The following GAREM1 variants were observed in gnomAD, a reference collection of about 807,000 sequenced individuals.
GAREM1 encodes the protein GRB2 associated regulator of MAPK1 subtype 1.
GAREM1 carries 26 observed loss-of-function variants against 71.3 expected under a neutral mutation model. The ratio of observed to expected loss-of-function variants is 0.36; its 90% CI spans 0.27 to 0.51. GAREM1 has a LOEUF of 0.51. Among genes scored for constraint, GAREM1 ranks in the 20% least tolerant of loss-of-function variants. The probability of loss-of-function intolerance (pLI) is 0.95; values close to 1 mark genes in which losing one functional copy is unlikely to be tolerated. For missense variants in GAREM1, 1,026 were observed against 1,103.1 expected (o/e 0.93, Z 0.99); for synonymous variants, 440 against 433.2 (o/e 1.02, Z -0.20).
Position 32,314,739 on chromosome 18 carries a change from C to T in GAREM1, c.263-4416G>A, listed in dbSNP as rs186168027. ...GAGTAGCTGGGATTACAGGCATGCACCACCATGCCTGGCTAATTTTTGTAT... is the reference window on the plus strand; with the variant it reads ...GAGTAGCTGGGATTACAGGCATGCATCACCATGCCTGGCTAATTTTTGTAT... On this transcript the variant is annotated intron_variant, in intron 2 of 5. Coordinates refer to ENST00000269209, the MANE Select transcript of GAREM1 (RefSeq NM_001242409.2). Among the ~76,000 whole-genome samples the T allele has an allele frequency of 4.5e-3, 679 of 152,162 alleles. 16 individuals are homozygous for T. The highest frequency in any genetic ancestry group is 0.037 in the Admixed American group (565 of 15,284).
At chr18:32,455,377 A>G (rs759806676) in intron 1 of GAREM1, among the ~76,000 whole-genome samples, 2 of 152,174 alleles carry the variant, frequency 1.3e-5, no homozygotes, top group Non-Finnish European at 2.9e-5. Context: ...AAAGAGACAC[A>G]CATACATTGA....
At chr18:32,345,060 T>A (rs148255969) in intron 2 of GAREM1, among the ~76,000 whole-genome samples, 3 of 152,112 alleles carry the variant, frequency 2.0e-5, no homozygotes, top group Admixed American at 1.3e-4. Context: ...AGACTCAGTC[T>A]CGAAAAAAAC....
intron 1 of GAREM1, among the ~76,000 whole-genome samples, chr18:32,448,598 TTTC>T (rs147650928): frequency 0.044 from 6,723 of 151,968 alleles, 476 homozygotes; most frequent in East Asian, 0.34. Flanking sequence ...AAGGCTGGAG[TTTC>T]TTCAAGTCTC....
In GAREM1 at chr18:32,355,018, A is replaced by T. The variant is rs141958573; in HGVS notation, c.262+37877T>A. 1.2e-3 allele frequency among the ~76,000 whole-genome samples: 182 copies of T among 152,328 alleles called. 1 individual carries two copies. The highest frequency in any genetic ancestry group is 4.1e-3 in the African/African-American group (170 of 41,574). On this transcript the variant is annotated intron_variant, in intron 2 of 5. Transcript: ENST00000269209. The stretch of plus-strand genomic sequence containing the variant: ...CAGCTGTGTACCTATGCCGAAGAAA[A>T]AATTACTTTTCACAGGCATTTCTCT...
intron 2 of GAREM1, among the ~76,000 whole-genome samples, chr18:32,326,057 C>A (rs774086489): frequency 2.6e-5 from 4 of 152,088 alleles, no homozygotes; most frequent in Non-Finnish European, 5.9e-5. Context: ...TTACAGTAAC[C>A]CTGGAAAAAC....
intron 2 of GAREM1, among the ~76,000 whole-genome samples, chr18:32,341,491 C>G (rs1331019861): frequency 2.0e-5 from 3 of 152,096 alleles, no homozygotes; most frequent in Non-Finnish European, 2.9e-5. Flanking sequence ...TGGGTATATA[C>G]CCAGTAATGA....
intron 1 of GAREM1, among the ~76,000 whole-genome samples, chr18:32,441,861 C>T (rs1419802842): frequency 6.6e-6 from 1 of 152,156 alleles, no homozygotes; most frequent in Non-Finnish European, 1.5e-5. Context: ...ACTTCCTATC[C>T]CTGATGCAAC....
At chr18:32,385,705 T>C (rs944451049) in intron 2 of GAREM1, among the ~76,000 whole-genome samples, 1 of 141,832 alleles carries the variant, frequency 7.1e-6, no homozygotes, top group African/African-American at 2.6e-5. Flanking sequence ...GACTTCCAAG[T>C]AAAAGTGCCT....
intron 2 of GAREM1, among the ~76,000 whole-genome samples, chr18:32,375,054 T>C (rs1203369516): frequency 2.0e-5 from 3 of 152,218 alleles, no homozygotes; most frequent in East Asian, 1.9e-4. Context: ...CTAAAAGTAA[T>C]GCTTTGCAAT....
At chr18:32,282,591 A>G (rs1267609536) in intron 4 of GAREM1, among the ~76,000 whole-genome samples, 2 of 152,064 alleles carry the variant, frequency 1.3e-5, no homozygotes, top group African/African-American at 4.8e-5. Context: ...GCTGGAGTAT[A>G]GTGGCACGAT....
At chr18:32,370,732 G>T (rs1293428710) in intron 2 of GAREM1, among the ~76,000 whole-genome samples, 1 of 152,014 alleles carries the variant, frequency 6.6e-6, no homozygotes, top group Non-Finnish European at 1.5e-5. Flanking sequence ...TTAAGATTAT[G>T]TTCAAACTAC....
intron 4 of GAREM1, among the ~76,000 whole-genome samples, chr18:32,275,781 C>A (rs1366004252): frequency 1.3e-5 from 2 of 152,190 alleles, no homozygotes; most frequent in African/African-American, 4.8e-5. Flanking sequence ...CAGGTTCAAG[C>A]AATTCTCCTG....
intron 3 of GAREM1, among the ~76,000 whole-genome samples, chr18:32,292,702 A>G (rs980989279): frequency 3.3e-5 from 5 of 152,170 alleles, no homozygotes; most frequent in Admixed American, 6.5e-5. Flanking sequence ...GCCTTTCTCC[A>G]TGAGGGCAAG....
At chr18:32,432,676 T>C (rs2048635454) in intron 1 of GAREM1, among the ~76,000 whole-genome samples, 1 of 152,140 alleles carries the variant, frequency 6.6e-6, no homozygotes, top group Admixed American at 6.6e-5. Context: ...TCCACACGTA[T>C]AAATTTCACA....
intron 2 of GAREM1, among the ~76,000 whole-genome samples, chr18:32,345,550 C>T (rs2047687523): frequency 6.6e-6 from 1 of 152,164 alleles, no homozygotes; most frequent in Admixed American, 6.5e-5. Context: ...AAGAAGTCCT[C>T]TCTCTACAAC....
chr18:32,400,542 A>T (rs1272455677), intron 1 of GAREM1, among the ~76,000 whole-genome samples: 1 of 152,234 alleles, frequency 6.6e-6, no homozygotes, highest in Non-Finnish European at 1.5e-5. Flanking sequence ...TCAAAAGAAG[A>T]CATTTATGCA....
chr18:32,449,457 C>T (rs1283218731), intron 1 of GAREM1, among the ~76,000 whole-genome samples: 1 of 152,126 alleles, frequency 6.6e-6, no homozygotes, highest in Non-Finnish European at 1.5e-5. Context: ...GAGGCCGAGG[C>T]AAGTGGATCG....
chr18:32,466,462 C>T (rs1339410787), intron 1 of GAREM1, among the ~76,000 whole-genome samples: 1 of 151,956 alleles, frequency 6.6e-6, no homozygotes, highest in Admixed American at 6.6e-5. Flanking sequence ...AAATTACATC[C>T]CCTGCAAGCA....
chr18:32,441,919 A>G (rs568049825), intron 1 of GAREM1, among the ~76,000 whole-genome samples: 2 of 152,312 alleles, frequency 1.3e-5, no homozygotes, highest in Non-Finnish European at 1.5e-5. Context: ...GAAGCAATTC[A>G]TAACTACCCC....
Sources: gnomAD v4.1 joint callset for allele counts (sites outside exome capture counted in the v4.1 genomes callset) on GRCh38, gnomAD v4.1.1 for gene constraint, MANE v1.5 for transcripts, NCBI Gene and HGNC (gene_info 2026-07-23, HGNC 2026-07-21) for gene names.